Variants in KLHL32 observed in about 807,000 individuals in gnomAD.
KLHL32 encodes kelch like family member 32.
A neutral mutation model predicts 64.8 loss-of-function variants in KLHL32; 35 were observed. That is an observed-to-expected ratio of 0.54 (90% confidence interval 0.41 to 0.72). The LOEUF (loss-of-function observed/expected upper bound fraction) is 0.72, where lower values mean the gene tolerates loss of function less well. KLHL32 is among the 30% of genes least tolerant of loss of function. The probability of loss-of-function intolerance (pLI) is 0.00; values close to 1 mark genes in which losing one functional copy is unlikely to be tolerated. For missense variants in KLHL32, 589 were observed against 768.5 expected, an observed-to-expected ratio of 0.77 and a Z score of 2.76; for synonymous variants, 259 against 281.0, an observed-to-expected ratio of 0.92 and a Z score of 0.78.
chr6:97,078,540 G>T (rs932822091), intron 5 of KLHL32, among the ~76,000 whole-genome samples: 1 of 152,148 alleles, frequency 6.6e-6, no homozygotes, highest in African/African-American at 2.4e-5. Context: ...CTTAGAGGGG[G>T]AAAACTTGGG....
At chr6:97,097,465 G>A (rs764255166) in intron 6 of KLHL32, among the ~76,000 whole-genome samples, 2 of 152,154 alleles carry the variant, frequency 1.3e-5, no homozygotes, top group Non-Finnish European at 2.9e-5. Flanking sequence ...AAATGAGAAC[G>A]TGCAGTCTTG....
intron 4 of KLHL32, among the ~76,000 whole-genome samples, chr6:97,052,073 T>C (rs1274044546): frequency 1.3e-5 from 2 of 152,198 alleles, no homozygotes; most frequent in Non-Finnish European, 2.9e-5. Flanking sequence ...CTTACACAAA[T>C]TACTCTAAGC....
intron 3 of KLHL32, among the ~76,000 whole-genome samples, chr6:97,029,876 G>A (rs111454559): frequency 3.3e-5 from 5 of 152,318 alleles, no homozygotes; most frequent in African/African-American, 1.2e-4. Context: ...TCAAATCTCT[G>A]TAATGCCTCA....
chr6:97,052,820 T>C (rs1158078668), intron 4 of KLHL32, among the ~76,000 whole-genome samples: 1 of 152,310 alleles, frequency 6.6e-6, no homozygotes, highest in Admixed American at 6.5e-5. Context: ...AAATAATCTC[T>C]TTATTAACCT....
chr6:96,965,409 T>C (rs1774345852), intron 1 of KLHL32, among the ~76,000 whole-genome samples: 1 of 152,230 alleles, frequency 6.6e-6, no homozygotes, highest in Non-Finnish European at 1.5e-5. Flanking sequence ...TCATCTATCT[T>C]ATTATTTTTA....
intron 2 of KLHL32, among the ~76,000 whole-genome samples, chr6:96,970,978 A>T (rs1775041906): frequency 6.6e-6 from 1 of 152,182 alleles, no homozygotes; most frequent in Admixed American, 6.5e-5. Context: ...CTCACTTGAT[A>T]GTTCACCAAT....
At chr6:97,066,744 C>G (rs1429135576) in intron 5 of KLHL32, among the ~76,000 whole-genome samples, 1 of 152,124 alleles carries the variant, frequency 6.6e-6, no homozygotes, top group Non-Finnish European at 1.5e-5. Flanking sequence ...TTATAAAAAT[C>G]ACAGACTGGG....
chr6:97,083,905 A>G (rs1359077828), intron 5 of KLHL32, among the ~76,000 whole-genome samples: 3 of 152,218 alleles, frequency 2.0e-5, no homozygotes, highest in Non-Finnish European at 4.4e-5. Context: ...TTGCTTACAC[A>G]TGGTTTAACC....
intron 5 of KLHL32, among the ~76,000 whole-genome samples, chr6:97,070,016 TCTC>T (rs1304719709): frequency 2.0e-5 from 3 of 151,872 alleles, no homozygotes; most frequent in African/African-American, 7.3e-5. Flanking sequence ...GACAATAACT[TCTC>T]CTCAAGATTG....
intron 7 of KLHL32, among the ~76,000 whole-genome samples, chr6:97,117,333 CTT>C (rs928477272): frequency 3.3e-5 from 5 of 152,238 alleles, no homozygotes; most frequent in African/African-American, 1.2e-4. Flanking sequence ...ATTTTGCAAA[CTT>C]TGCCTGAGGT....
At chr6:97,104,441 A>C (rs1290244958) in intron 6 of KLHL32, among the ~76,000 whole-genome samples, 1 of 152,260 alleles carries the variant, frequency 6.6e-6, no homozygotes, top group Non-Finnish European at 1.5e-5. Context: ...AAAGGTGAAC[A>C]TAATAACATT....
At chr6:97,122,219 G>A (rs1369055783) in intron 7 of KLHL32, among the ~76,000 whole-genome samples, 1 of 152,144 alleles carries the variant, frequency 6.6e-6, no homozygotes, top group Non-Finnish European at 1.5e-5. Flanking sequence ...ATTTTCAAAT[G>A]CAGCAACCCT....
At chr6:97,055,809 A>AAAAAAAAAAAC (rs1787749631) in intron 4 of KLHL32, among the ~76,000 whole-genome samples, 1 of 149,872 alleles carries the variant, frequency 6.7e-6, no homozygotes, top group African/African-American at 2.4e-5. Context: ...AAAAAAAAAA[A>AAAAAAAAAAAC]AAAAAAAAAA....
the KLHL32 span, among the ~76,000 whole-genome samples, chr6:96,918,667 C>T: frequency 1.3e-5 from 2 of 152,126 alleles, no homozygotes; most frequent in Non-Finnish European, 2.9e-5. Flanking sequence ...GTGGCCTAAA[C>T]ATGAAAGAAA....
In KLHL32 at chr6:96,968,402, A is replaced by C. The variant is rs566259524; in HGVS notation, c.23+1319A>C. Among the ~76,000 whole-genome samples the C allele has an allele frequency of 1.4e-4, 21 of 152,132 alleles. No homozygotes were observed. The East Asian group carries it at 2.7e-3, about 20-fold the overall frequency. On this transcript the variant is annotated intron_variant, in intron 2 of 10. Transcript: ENST00000369261. ...AACAAAAACAAAAACAAAAAAAAAA[A>C]CATCTAGCCCAAAATGTCAATAATA...
chr6:97,091,783 A>G (rs1794277203), intron 6 of KLHL32, among the ~76,000 whole-genome samples: 2 of 152,162 alleles, frequency 1.3e-5, no homozygotes, highest in African/African-American at 4.8e-5. Flanking sequence ...ACCTTTGTCA[A>G]TCCATGTGAT....
the KLHL32 span, among the ~76,000 whole-genome samples, chr6:96,903,851 A>G: frequency 1.3e-5 from 2 of 152,240 alleles, no homozygotes; most frequent in Non-Finnish European, 2.9e-5. Context: ...ATTATGGCAA[A>G]TATCGTATTG....
intron 1 of KLHL32, among the ~76,000 whole-genome samples, chr6:96,926,649 C>G (rs983936414): frequency 6.6e-6 from 1 of 152,252 alleles, no homozygotes; most frequent in African/African-American, 2.4e-5. Context: ...AGGAGTGGAG[C>G]AGGCCTAGAC....
intron 3 of KLHL32, among the ~76,000 whole-genome samples, chr6:97,004,437 A>G (rs924393950): frequency 4.6e-5 from 7 of 152,232 alleles, no homozygotes; most frequent in Admixed American, 3.9e-4. Context: ...GGATAGTTTG[A>G]TTCCTGTCTT....
Sources: allele counts gnomAD v4.1 joint callset (sites outside exome capture counted in the v4.1 genomes callset), GRCh38; gene constraint gnomAD v4.1.1; transcripts MANE v1.5; gene names NCBI Gene and HGNC (gene_info 2026-07-23, HGNC 2026-07-21).